The following CTNNA3 variants were observed in gnomAD, a reference collection of about 807,000 sequenced individuals.
The protein encoded by CTNNA3 is catenin alpha-3.
A neutral mutation model predicts 95.7 loss-of-function variants in CTNNA3; 76 were observed. The observed-to-expected ratio is 0.79, with a 90% confidence interval of 0.66 to 0.96. The LOEUF (loss-of-function observed/expected upper bound fraction) is 0.96, where lower values mean the gene tolerates loss of function less well. Ranked by LOEUF, CTNNA3 falls within the 40% of genes least tolerant of loss-of-function variation. The probability of loss-of-function intolerance (pLI) is 0.00; values close to 1 mark genes in which losing one functional copy is unlikely to be tolerated. For missense variants in CTNNA3, 1,191 were observed against 1,089.8 expected, an observed-to-expected ratio of 1.09 and a Z score of -1.31; for synonymous variants, 431 against 374.4, an observed-to-expected ratio of 1.15 and a Z score of -1.74.
chr10:66,610,111 G>A (rs1205377926), intron 10 of CTNNA3, among the ~76,000 whole-genome samples: 1 of 152,108 alleles, frequency 6.6e-6, no homozygotes. Context: ...AGTAGAGGAT[G>A]GGAGGAGGAA....
At chr10:67,337,441 G>T (rs144494544) in intron 5 of CTNNA3, among the ~76,000 whole-genome samples, 209 of 152,290 alleles carry the variant, frequency 1.4e-3, no homozygotes, top group Middle Eastern at 3.4e-3. Context: ...TCTTGAGATG[G>T]AATCTACTCC....
intron 7 of CTNNA3, among the ~76,000 whole-genome samples, chr10:66,873,481 T>C (rs961415865): frequency 3.3e-5 from 5 of 152,158 alleles, no homozygotes; most frequent in Non-Finnish European, 7.3e-5. Flanking sequence ...CAATGAACTT[T>C]TTTTTTCATG....
Position 66,775,473 on chromosome 10 carries a change from A to G in CTNNA3, c.1099T>C (p.Cys367Arg), listed in dbSNP as rs1840258275. ...NTLNIALDNMCKKTRDLRRQL... is the reference protein window; with the variant it reads ...NTLNIALDNMRKKTRDLRRQL... ...CTGCGAAGGTCTCTTGTCTTCTTAC[A>G]CATGTTGTCTAAAGCAATATTCAGG... The change falls in exon 8 of 18, where the codon TGT (cysteine) becomes CGT (arginine). Residue 367 changes from cysteine (C) to arginine (R), a missense_variant. Cys to Arg is a radical substitution (Grantham distance 180). Transcript: ENST00000433211. 8 of 1,611,782 alleles carry G rather than the reference A, an allele frequency of 5.0e-6. No individual in the cohort carries two copies. The East Asian group carries it at 1.8e-4, about 36-fold the overall frequency.
intron 13 of CTNNA3, among the ~76,000 whole-genome samples, chr10:66,215,332 G>A (rs545621404): frequency 5.3e-5 from 8 of 152,262 alleles, no homozygotes; most frequent in African/African-American, 1.9e-4. Context: ...AACGTGCTAT[G>A]CCCTTTACAT....
chr10:66,095,391 T>G (rs905065576), intron 14 of CTNNA3, among the ~76,000 whole-genome samples: 1 of 152,054 alleles, frequency 6.6e-6, no homozygotes, highest in Non-Finnish European at 1.5e-5. Flanking sequence ...CCTGCTGTGT[T>G]GCTGCTGATT....
At chr10:66,862,104 C>T (rs1459293065) in intron 7 of CTNNA3, among the ~76,000 whole-genome samples, 3 of 152,054 alleles carry the variant, frequency 2.0e-5, no homozygotes, top group Non-Finnish European at 4.4e-5. Context: ...GTCCCAGCTG[C>T]TCGGGAGGCT....
chr10:67,750,423 A>G (rs1244953932), intron 1 of CTNNA3: 10 of 1,485,620 alleles, frequency 6.7e-6, no homozygotes, highest in Non-Finnish European at 8.5e-6. Flanking sequence ...GACTGTGCCT[A>G]TGTCTATCAG....
chr10:67,061,865 G>A (rs561136007), intron 7 of CTNNA3, among the ~76,000 whole-genome samples: 17 of 152,226 alleles, frequency 1.1e-4, no homozygotes, highest in Non-Finnish European at 2.1e-4. Flanking sequence ...TACTGATAAA[G>A]AATCAAGTTA....
rs180697686 is a variant in CTNNA3, at chr10:67,557,033, A to G, written c.293-17364T>C. Among the ~76,000 whole-genome samples the G allele has an allele frequency of 1.1e-4, 17 of 152,336 alleles. No homozygotes were observed. The East Asian group carries it at 3.3e-3, about 29-fold the overall frequency. On this transcript the variant is annotated intron_variant, in intron 3 of 17. Coordinates refer to ENST00000433211, the MANE Select transcript of CTNNA3 (RefSeq NM_013266.4). ...ATGTACCCAGTAGTCATTCAGGAGC[A>G]GGTTGTTCAGTTTCCATGTAGTTGA...
chr10:67,071,638 GT>G (rs2131849551), intron 7 of CTNNA3, among the ~76,000 whole-genome samples: 1 of 151,978 alleles, frequency 6.6e-6, no homozygotes, highest in East Asian at 1.9e-4. Context: ...TCTTGAACTT[GT>G]GTGTGGCGGT....
intron 11 of CTNNA3, among the ~76,000 whole-genome samples, chr10:66,516,352 C>T (rs1840857716): frequency 6.6e-6 from 1 of 152,172 alleles, no homozygotes; most frequent in Admixed American, 6.5e-5. Context: ...TTTAGGCAAA[C>T]ATGTCTGCTT....
In CTNNA3 at chr10:66,131,630, C is replaced by T. The variant is rs1251342424; in HGVS notation, c.1885-28381G>A. Among the ~76,000 whole-genome samples the T allele has an allele frequency of 2.0e-5, 3 of 152,252 alleles. No individual in the cohort carries two copies. In the East Asian group the frequency reaches 5.8e-4, roughly 29 times the overall value. Reference sequence around the variant, plus strand: ...AAAAAGAACAAAGCTGGAGGCATCACATTACCTGACTTCAAACTATACTAC... The same window carrying T: ...AAAAAGAACAAAGCTGGAGGCATCATATTACCTGACTTCAAACTATACTAC... On this transcript the variant is annotated intron_variant, in intron 13 of 17. Transcript: ENST00000433211.
intron 11 of CTNNA3, among the ~76,000 whole-genome samples, chr10:66,424,017 A>G (rs537171512): frequency 6.6e-6 from 1 of 152,220 alleles, no homozygotes; most frequent in Non-Finnish European, 1.5e-5. Context: ...TTACTTGTCT[A>G]TTTTATTAAG....
chr10:66,683,683 T>C (rs886964252), intron 9 of CTNNA3, among the ~76,000 whole-genome samples: 84 of 152,292 alleles, frequency 5.5e-4, no homozygotes, highest in African/African-American at 1.9e-3. Context: ...CATCACACTA[T>C]GAGAGCATAT....
chr10:67,425,837 G>A (rs766650991), intron 5 of CTNNA3, among the ~76,000 whole-genome samples: 27 of 151,980 alleles, frequency 1.8e-4, no homozygotes, highest in Non-Finnish European at 3.1e-4. Flanking sequence ...GCTTTTTGTG[G>A]AGTGAAAATT....
In CTNNA3 at chr10:67,635,504, G is replaced by T. The variant is rs77674654; in HGVS notation, c.99+11911C>A. Among the ~76,000 whole-genome samples the T allele has an allele frequency of 0.034, 5,157 of 152,170 alleles. 615 individuals carry two copies. In the East Asian group the frequency reaches 0.43, roughly 13 times the overall value. ...GTTGTCTTCATCCCTGGGATGCAAG[G>T]TTGGTTCAACATATGCAAATCAACA... On this transcript the variant is annotated intron_variant, in intron 2 of 17. Coordinates refer to ENST00000433211, the MANE Select transcript of CTNNA3 (RefSeq NM_013266.4).
intron 5 of CTNNA3, among the ~76,000 whole-genome samples, chr10:67,385,472 CT>C (rs1392952289): frequency 1.3e-5 from 2 of 152,196 alleles, no homozygotes; most frequent in Non-Finnish European, 2.9e-5. Flanking sequence ...GACCCAGAAT[CT>C]TTCAGTGATC....
At chr10:66,031,999 T>C (rs539125482) in intron 15 of CTNNA3, among the ~76,000 whole-genome samples, 2 of 152,260 alleles carry the variant, frequency 1.3e-5, no homozygotes, top group South Asian at 2.1e-4. Context: ...CAAAAGGCAA[T>C]GACTGCAGAT....
At chr10:66,421,834 CA>C (rs35845509) in intron 11 of CTNNA3, among the ~76,000 whole-genome samples, 3,554 of 81,542 alleles carry the variant, frequency 0.044, 291 homozygotes, top group East Asian at 0.35. Context: ...GACTCTGTCT[CA>C]AAAAAAAAAA....
Sources: allele counts gnomAD v4.1 joint callset (sites outside exome capture counted in the v4.1 genomes callset), GRCh38; gene constraint gnomAD v4.1.1; transcripts MANE v1.5; gene names NCBI Gene and HGNC (gene_info 2026-07-23, HGNC 2026-07-21).